The following HS3ST4 variants were observed in gnomAD, a reference collection of about 807,000 sequenced individuals.
HS3ST4 encodes heparan sulfate-glucosamine 3-sulfotransferase 4, also known as heparan sulfate glucosamine 3-O-sulfotransferase 4.
In HS3ST4, 17 loss-of-function variants were observed where a neutral mutation model predicts 29.2. That is an observed-to-expected ratio of 0.58 (90% confidence interval 0.40 to 0.87). The LOEUF (loss-of-function observed/expected upper bound fraction) is 0.87, where lower values mean the gene tolerates loss of function less well. Ranked by LOEUF, HS3ST4 falls within the 40% of genes least tolerant of loss-of-function variation. The probability of loss-of-function intolerance (pLI) is 0.00; values close to 1 mark genes in which losing one functional copy is unlikely to be tolerated. For synonymous variants in HS3ST4, 314 were observed against 285.7 expected (o/e 1.10, Z -1.00); for missense variants, 627 against 634.5 (o/e 0.99, Z 0.13).
intron 1 of HS3ST4, among the ~76,000 whole-genome samples, chr16:26,018,363 A>G (rs771292000): frequency 1.3e-5 from 2 of 152,208 alleles, no homozygotes; most frequent in Non-Finnish European, 2.9e-5. Context: ...AACTAACAGT[A>G]AGAAACCAGG....
intron 1 of HS3ST4, among the ~76,000 whole-genome samples, chr16:25,837,291 C>G (rs1967366042): frequency 6.6e-6 from 1 of 152,186 alleles, no homozygotes; most frequent in Non-Finnish European, 1.5e-5. Flanking sequence ...TCTTGCTTTC[C>G]TCTCATTTTG....
chr16:25,788,415 C>CAAA (rs11384547), intron 1 of HS3ST4, among the ~76,000 whole-genome samples: 40,628 of 142,688 alleles, frequency 0.28, 6,559 homozygotes, highest in East Asian at 0.5. Context: ...AATTCTGTCT[C>CAAA]AAAAAAAAAA....
intron 1 of HS3ST4, among the ~76,000 whole-genome samples, chr16:26,111,890 G>A (rs975079158): frequency 2.0e-5 from 3 of 151,738 alleles, no homozygotes; most frequent in African/African-American, 2.4e-5. Flanking sequence ...GATGATGGGC[G>A]CCTGTAGTCC....
At position 26,135,924 on chromosome 16, in the gene HS3ST4, C is replaced by T; in HGVS notation, c.1047C>T (p.Leu349=). The T allele has an allele frequency of 1.2e-6, 2 of 1,613,986 alleles. No homozygotes were observed. Among genetic ancestry groups the T allele is most frequent in the Non-Finnish European group, 1.7e-6 (2 of 1,179,868 alleles). ...HLENWLQYFP[L]SQILFVSGER... ...AAAACTGGCTCCAGTATTTCCCCCTCTCCCAGATCCTCTTTGTCAGTGGTG... is the reference window on the plus strand; with the variant it reads ...AAAACTGGCTCCAGTATTTCCCCCTTTCCCAGATCCTCTTTGTCAGTGGTG... The change falls in exon 2 of 2, where the codon CTC becomes CTT. Residue 349 remains leucine (L), a synonymous_variant. Transcript: ENST00000331351.
rs540209526 is a variant in HS3ST4 at position 25,855,958 on chromosome 16, A to G, written c.734+162807A>G. 2.1e-3 allele frequency among the ~76,000 whole-genome samples: 319 copies of G among 152,074 alleles called. 3 individuals are homozygous for G. Among genetic ancestry groups the G allele is most frequent in the African/African-American group, 7.4e-3 (308 of 41,490 alleles). On this transcript the variant is annotated intron_variant, in intron 1 of 1. Transcript: ENST00000331351. The stretch of plus-strand genomic sequence containing the variant: ...AGAATGCCCTTTCCCCAGCTGGATA[A>G]GGCTCTGGTAAAGTCTTATTCCCTG...
rs147546540 is a variant in HS3ST4, at chr16:25,877,984, G to T, written c.734+184833G>T. Reference sequence around the variant, plus strand: ...AGGTAAACAGGCATTTCTTTGATTTGCCTTATGTAGGATGTGTCTCTGTGG... The same window carrying T: ...AGGTAAACAGGCATTTCTTTGATTTTCCTTATGTAGGATGTGTCTCTGTGG... On this transcript the variant is annotated intron_variant, in intron 1 of 1. Transcript: ENST00000331351. Among the ~76,000 whole-genome samples the T allele has an allele frequency of 2.9e-3, 448 of 152,214 alleles. 4 individuals are homozygous for T. Among genetic ancestry groups the T allele is most frequent in the African/African-American group, 0.01 (419 of 41,552 alleles).
chr16:25,869,665 C>T (rs1336339076), intron 1 of HS3ST4, among the ~76,000 whole-genome samples: 2 of 152,144 alleles, frequency 1.3e-5, no homozygotes, highest in East Asian at 3.9e-4. Context: ...ATTGAGTCAT[C>T]ATCTGTTCCA....
chr16:25,989,487 G>A (rs189244480), intron 1 of HS3ST4, among the ~76,000 whole-genome samples: 3 of 152,226 alleles, frequency 2.0e-5, no homozygotes, highest in Admixed American at 1.3e-4. Flanking sequence ...TGGTTGCCTC[G>A]TTTGGTCCAT....
At position 26,103,627 on chromosome 16, in the gene HS3ST4, T is replaced by A. The variant is rs1899015675; in HGVS notation, c.735-31985T>A. ...AAAGGAACCTATCTGGCTACTTTATTTGATCCTAATAAATGAGATGTTTTG... is the reference window on the plus strand; with the variant it reads ...AAAGGAACCTATCTGGCTACTTTATATGATCCTAATAAATGAGATGTTTTG... On this transcript the variant is annotated intron_variant, in intron 1 of 1. Transcript: ENST00000331351. Among the ~76,000 whole-genome samples the A allele has an allele frequency of 2.0e-5, 3 of 152,358 alleles. No homozygotes were observed. In the South Asian group the frequency reaches 6.2e-4, roughly 32 times the overall value.
At chr16:25,946,339 G>A (rs772022229) in intron 1 of HS3ST4, among the ~76,000 whole-genome samples, 16 of 152,270 alleles carry the variant, frequency 1.1e-4, no homozygotes, top group African/African-American at 2.6e-4. Flanking sequence ...TAATGCATTC[G>A]CACCACACTG....
intron 1 of HS3ST4, among the ~76,000 whole-genome samples, chr16:25,847,290 TC>T (rs577885469): frequency 6.6e-5 from 10 of 152,102 alleles, no homozygotes; most frequent in South Asian, 2.1e-4. Flanking sequence ...ATAATTGGGA[TC>T]CCCCCCATAT....
intron 1 of HS3ST4, among the ~76,000 whole-genome samples, chr16:25,761,395 T>C (rs941687969): frequency 5.3e-5 from 8 of 152,202 alleles, no homozygotes; most frequent in Non-Finnish European, 1.2e-4. Flanking sequence ...ACTTTTACTT[T>C]TACTGAAGAG....
intron 1 of HS3ST4, among the ~76,000 whole-genome samples, chr16:25,943,225 A>G (rs1410211097): frequency 6.6e-6 from 1 of 152,226 alleles, no homozygotes; most frequent in African/African-American, 2.4e-5. Flanking sequence ...TCCCTTGGAA[A>G]TATATATGGA....
chr16:26,009,284 T>C (rs1969287671), intron 1 of HS3ST4, among the ~76,000 whole-genome samples: 1 of 152,220 alleles, frequency 6.6e-6, no homozygotes, highest in Non-Finnish European at 1.5e-5. Flanking sequence ...TTTAAGTGTA[T>C]GTCTTTCTTA....
intron 1 of HS3ST4, among the ~76,000 whole-genome samples, chr16:26,009,957 C>G (rs961109498): frequency 4.6e-5 from 7 of 152,154 alleles, no homozygotes; most frequent in Non-Finnish European, 1.0e-4. Context: ...CCTAAGTTTT[C>G]CTAGCAACAC....
intron 1 of HS3ST4, among the ~76,000 whole-genome samples, chr16:25,770,081 C>T (rs57650840): frequency 1.8e-3 from 268 of 152,158 alleles, no homozygotes; most frequent in Middle Eastern, 3.4e-3. Flanking sequence ...CAGTAAAGAT[C>T]GTGGGACCGA....
At chr16:25,993,460 G>C (rs1346445943) in intron 1 of HS3ST4, among the ~76,000 whole-genome samples, 1 of 152,044 alleles carries the variant, frequency 6.6e-6, no homozygotes, top group Non-Finnish European at 1.5e-5. Flanking sequence ...TGACAGCTGT[G>C]GGGCATCCCT....
intron 1 of HS3ST4, among the ~76,000 whole-genome samples, chr16:25,972,629 C>T (rs1420267348): frequency 5.3e-5 from 8 of 152,170 alleles, no homozygotes; most frequent in Admixed American, 4.6e-4. Context: ...TGAGAGAGCG[C>T]CAGAAAGACA....
chr16:26,126,605 A>G (rs12924282), intron 1 of HS3ST4, among the ~76,000 whole-genome samples: 13,055 of 152,272 alleles, frequency 0.086, 649 homozygotes, highest in Middle Eastern at 0.13. Flanking sequence ...TTGGGTAGAC[A>G]AGTCTAGGCA....
Sources: allele counts gnomAD v4.1 joint callset (sites outside exome capture counted in the v4.1 genomes callset), GRCh38; gene constraint gnomAD v4.1.1; transcripts MANE v1.5; gene names NCBI Gene and HGNC (gene_info 2026-07-23, HGNC 2026-07-21).